Variants in AFF1 observed in about 807,000 individuals in gnomAD.
The protein encoded by AFF1 is AF4/FMR2 family member 1.
A neutral mutation model predicts 121.7 loss-of-function variants in AFF1; 48 were observed. That is an observed-to-expected ratio of 0.39 (90% confidence interval 0.31 to 0.50). AFF1 has a LOEUF of 0.50. Among genes scored for constraint, AFF1 ranks in the 20% least tolerant of loss-of-function variants. The pLI is 0.76. For synonymous variants in AFF1, 613 were observed against 563.0 expected (o/e 1.09, Z -1.26); for missense variants, 1,523 against 1,511.7 (o/e 1.01, Z -0.12).
In AFF1 at chr4:87,135,846, T is replaced by G. The variant is rs1729260406; in HGVS notation, c.*145T>G. The G allele has an allele frequency of 7.9e-7, 1 of 1,259,216 alleles. No individual in the cohort carries two copies. The highest frequency in any genetic ancestry group is 3.2e-5 in the Admixed American group (1 of 31,366). The allele number at this position is 1,259,216 out of a possible 1,614,324, so 78.0% of individuals were successfully genotyped here. A position where few individuals can be genotyped will look rare whatever the true frequency, so the allele number is the denominator to read the frequency against. ...GGCCAGGACATTTGTCCACTTAAAC[T>G]CTCAACAACAGTGTGATCATTGGTT... On this transcript the variant is annotated 3_prime_UTR_variant, in exon 21 of 21. Transcript: ENST00000395146.
chr4:86,953,788 C>T (rs1003382268), intron 2 of AFF1, among the ~76,000 whole-genome samples: 2 of 151,816 alleles, frequency 1.3e-5, no homozygotes, highest in Non-Finnish European at 1.5e-5. Flanking sequence ...GGCGCGATCT[C>T]GGCTCACTGG....
chr4:87,106,931 G>A (rs1368773515), intron 10 of AFF1, among the ~76,000 whole-genome samples: 1 of 152,166 alleles, frequency 6.6e-6, no homozygotes, highest in Admixed American at 6.5e-5. Context: ...AGTAATTTCT[G>A]GTGGGTTATG....
chr4:86,955,936 G>GCT (rs2149460983), intron 2 of AFF1, among the ~76,000 whole-genome samples: 1 of 152,318 alleles, frequency 6.6e-6, no homozygotes, highest in African/African-American at 2.4e-5. Flanking sequence ...TATTGAGGAA[G>GCT]CTACAAGGTG....
In AFF1 at chr4:87,127,163, G is replaced by GT. The variant is rs1491191362; in HGVS notation, c.2903+46_2903+47insT. The stretch of plus-strand genomic sequence containing the variant: ...TTCTTGCTCTGTTTTGTTTTGTTTT[G>GT]CTTCCCCCCCCCACCAAGATAGAGT... On this transcript the variant is annotated intron_variant, in intron 15 of 20. Transcript: ENST00000395146. The GT allele has an allele frequency of 5.2e-6, 6 of 1,156,366 alleles. No homozygotes were observed. In the African/African-American group the frequency reaches 6.1e-5, roughly 12 times the overall value. The allele number at this position is 1,156,366 out of a possible 1,614,324, so 71.6% of individuals were successfully genotyped here.
At chr4:87,069,408 TCTCC>T (rs557211716) in intron 4 of AFF1, among the ~76,000 whole-genome samples, 7 of 149,366 alleles carry the variant, frequency 4.7e-5, no homozygotes, top group Non-Finnish European at 8.9e-5. Context: ...CTTTTCTGTC[TCTCC>T]CTCCCTCCCT....
chr4:86,988,301 AC>A (rs1724446508), intron 2 of AFF1, among the ~76,000 whole-genome samples: 2 of 152,084 alleles, frequency 1.3e-5, no homozygotes, highest in African/African-American at 4.8e-5. Flanking sequence ...TATGTTTTGA[AC>A]CATTAACCAA....
At chr4:87,118,524 T>TATTTTTTAGAGACA (rs1182766803) in intron 12 of AFF1, among the ~76,000 whole-genome samples, 2 of 152,256 alleles carry the variant, frequency 1.3e-5, no homozygotes, top group African/African-American at 4.8e-5. Flanking sequence ...GTTAATTACT[T>TATTTTTTAGAGACA]ATTTTTTAGA....
In AFF1 at chr4:87,007,123, C is replaced by T. The variant is rs115953834; in HGVS notation, c.39-39043C>T. On this transcript the variant is annotated intron_variant, in intron 2 of 20. Coordinates refer to ENST00000395146, the MANE Select transcript of AFF1 (RefSeq NM_001166693.3). ...ACTGCGCCGGGGGCGCTCGCTTGCC[C>T]CGGATTCGGACGCGGCGCTCCCCGG... is the stretch of plus-strand genomic sequence containing the variant. 11,094 of 1,269,004 alleles carry T rather than the reference C, an allele frequency of 8.7e-3. 800 individuals are homozygous for T. The African/African-American group carries it at 0.16, about 18-fold the overall frequency. 78.6% of individuals were successfully genotyped at this position (1,269,004 alleles called of 1,614,324 possible).
chr4:87,086,306 G>A (rs904715925), intron 5 of AFF1, among the ~76,000 whole-genome samples: 1 of 152,092 alleles, frequency 6.6e-6, no homozygotes, highest in African/African-American at 2.4e-5. Context: ...TATGTCAGAT[G>A]CTCCTCTTAG....
At position 87,060,059 on chromosome 4, in the gene AFF1, G is replaced by A. The variant is rs138032880; in HGVS notation, c.1059+12465G>A. Among the ~76,000 whole-genome samples, 74 of 152,292 alleles carry A rather than the reference G, an allele frequency of 4.9e-4. 1 individual carries two copies. Among genetic ancestry groups the A allele is most frequent in the Middle Eastern group, 6.8e-3 (2 of 294 alleles). On this transcript the variant is annotated intron_variant, in intron 4 of 20. Transcript: ENST00000395146. ...GTACTGGACTGAATTTCCTATTCAG[G>A]ACACTTGACTGGGAAATGGGTGCAG...
At chr4:87,124,901 AC>A in intron 12 of AFF1, 135 bp from the exon 13 acceptor site, 2 of 560,996 alleles carry the variant, frequency 3.6e-6, no homozygotes, top group Non-Finnish European at 6.2e-6. Context: ...CATGGTAAGT[AC>A]TAAGAAGGTT....
chr4:87,038,589 C>T (rs1383096411), intron 2 of AFF1, among the ~76,000 whole-genome samples: 2 of 152,170 alleles, frequency 1.3e-5, no homozygotes, highest in East Asian at 3.9e-4. Context: ...TGGAAGAACC[C>T]TAGCATCCTG....
At chr4:87,060,884 CAA>C (rs1249068935) in intron 4 of AFF1, among the ~76,000 whole-genome samples, 1 of 117,278 alleles carries the variant, frequency 8.5e-6, no homozygotes, top group African/African-American at 2.8e-5. Context: ...AAAACAACAA[CAA>C]AAAAACGGAA....
chr4:87,135,783 T>G lies in AFF1; in HGVS notation c.*82T>G. 3 of 1,466,048 alleles carry G rather than the reference T, an allele frequency of 2.0e-6. No homozygotes were observed. Among genetic ancestry groups the G allele is most frequent in the Non-Finnish European group, 2.7e-6 (3 of 1,102,840 alleles). The allele number at this position is 1,466,048 out of a possible 1,614,324, so 90.8% of individuals were successfully genotyped here. ...AAAAACAGTCCAGACATTTGTTTCA[T>G]CAGGACACCAAACTCTAAAAAAGAA... On this transcript the variant is annotated 3_prime_UTR_variant, in exon 21 of 21. Transcript: ENST00000395146.
chr4:87,092,773 G>A (rs746765021), intron 7 of AFF1, among the ~76,000 whole-genome samples: 1 of 152,160 alleles, frequency 6.6e-6, no homozygotes, highest in Non-Finnish European at 1.5e-5. Flanking sequence ...AAATAAACCC[G>A]ACTATATTGC....
intron 16 of AFF1, among the ~76,000 whole-genome samples, chr4:87,130,110 G>A (rs1728680313): frequency 6.6e-6 from 1 of 151,850 alleles, no homozygotes; most frequent in African/African-American, 2.4e-5. Flanking sequence ...AAGTAGCTGG[G>A]ATTACAGGCC....
intron 4 of AFF1, among the ~76,000 whole-genome samples, chr4:87,072,683 A>G (rs10021180): frequency 0.078 from 11,812 of 151,712 alleles, 1,049 homozygotes; most frequent in African/African-American, 0.21. Context: ...ACCCACCACC[A>G]CGCCTGGCTG....
intron 2 of AFF1, among the ~76,000 whole-genome samples, chr4:87,004,811 C>A (rs1165762020): frequency 6.6e-6 from 1 of 152,096 alleles, no homozygotes; most frequent in Non-Finnish European, 1.5e-5. Flanking sequence ...AAAGAAAATC[C>A]AACTTCACAC....
chr4:86,992,865 TTTTG>T (rs956629046), intron 2 of AFF1, among the ~76,000 whole-genome samples: 46 of 152,332 alleles, frequency 3.0e-4, no homozygotes, highest in African/African-American at 1.1e-3. Flanking sequence ...TTAATCAGCT[TTTTG>T]TTCTCTAGAT....
Sources: allele counts gnomAD v4.1 joint callset (sites outside exome capture counted in the v4.1 genomes callset), GRCh38; gene constraint gnomAD v4.1.1; transcripts MANE v1.5; gene names NCBI Gene and HGNC (gene_info 2026-07-23, HGNC 2026-07-21).